FBXL13: variants seen among roughly 807,000 people sequenced by gnomAD.
The protein encoded by FBXL13 is F-box and leucine-rich repeat protein 13.
A neutral mutation model predicts 83.6 loss-of-function variants in FBXL13; 67 were observed. That is an observed-to-expected ratio of 0.80 (90% CI 0.66 to 0.98). The LOEUF (loss-of-function observed/expected upper bound fraction) is 0.98, where lower values mean the gene tolerates loss of function less well. Ranked by LOEUF, FBXL13 falls within the 50% of genes least tolerant of loss-of-function variation. FBXL13 has a pLI of 0.00. For missense variants in FBXL13, 822 were observed against 866.5 expected (o/e 0.95, Z 0.64); for synonymous variants, 272 against 299.5 (o/e 0.91, Z 0.95).
chr7:102,905,622 T>C (rs1251984767), intron 11 of FBXL13, among the ~76,000 whole-genome samples: 1 of 152,214 alleles, frequency 6.6e-6, no homozygotes, highest in African/African-American at 2.4e-5. Context: ...ATATTATTAT[T>C]GATAAGTAAG....
rs1812762212 is a variant in FBXL13 at position 102,899,969 on chromosome 7, C to T, written c.1008+13117G>A. Among the ~76,000 whole-genome samples, 3 of 151,920 alleles carry T rather than the reference C, an allele frequency of 2.0e-5. No individual in the cohort carries two copies. In the South Asian group the frequency reaches 6.2e-4, roughly 32 times the overall value. On this transcript the variant is annotated intron_variant, in intron 11 of 19. Coordinates refer to ENST00000313221, the Ensembl canonical transcript of FBXL13. ...GGCTGAGGCAGGAGAATTGCCTGAA[C>T]CCAGGAGGTGGAGGCTGCAGTGAAC...
Position 102,827,795 on chromosome 7 carries a change from C to T in FBXL13, c.1854+5045G>A, listed in dbSNP as rs183085389. On this transcript the variant is annotated intron_variant, in intron 18 of 19. Transcript: ENST00000313221. ...TGCAGTGTTTGGTTTTTTGTCCTTG[C>T]GATAGTTTGCTGAGAACAATGGTTT... Among the ~76,000 whole-genome samples, 971 of 152,078 alleles carry T rather than the reference C, an allele frequency of 6.4e-3. 4 individuals carry two copies. The highest frequency in any genetic ancestry group is 7.8e-3 in the Non-Finnish European group (529 of 67,976).
rs1262220965 is a variant in FBXL13 at position 102,883,877 on chromosome 7, A to G, written c.1108-192T>C. ...TGACTAATGTGGAGGAATCAGAATT[A>G]AATCACGTACTAAGAGTATGGGAAA... On this transcript the variant is annotated intron_variant, in intron 12 of 19. Coordinates refer to ENST00000313221, the Ensembl canonical transcript of FBXL13. Among the ~76,000 whole-genome samples the G allele has an allele frequency of 2.0e-5, 3 of 152,210 alleles. No homozygotes were observed. The South Asian group carries it at 6.2e-4, about 31-fold the overall frequency.
intron 8 of FBXL13, among the ~76,000 whole-genome samples, chr7:102,959,141 C>T (rs1368807345): frequency 6.6e-6 from 1 of 152,014 alleles, no homozygotes; most frequent in Admixed American, 6.6e-5. Context: ...AATTGACAAG[C>T]TATTAAAACC....
chr7:103,073,991 A>G (rs1393036822), intron 1 of FBXL13, among the ~76,000 whole-genome samples: 1 of 152,216 alleles, frequency 6.6e-6, no homozygotes, highest in Non-Finnish European at 1.5e-5. Context: ...AGGTCAACAA[A>G]GGCAAATGTT....
chr7:102,842,597 C>G (rs1004600727), intron 17 of FBXL13, among the ~76,000 whole-genome samples: 16 of 152,214 alleles, frequency 1.1e-4, no homozygotes, highest in Admixed American at 1.3e-4. Context: ...GGAGAATAAT[C>G]CAGTTCTTGC....
rs577378037 is a variant in FBXL13, at chr7:102,948,381, G to C, written c.724+15152C>G. On this transcript the variant is annotated intron_variant, in intron 8 of 19. Coordinates refer to ENST00000313221, the Ensembl canonical transcript of FBXL13. ...GCCAGTAATGAGGATCTACTTGTCT[G>C]AATTCTGTTAAGTCTGTGCCCTCAT... Among the ~76,000 whole-genome samples the C allele has an allele frequency of 2.0e-5, 3 of 152,038 alleles. No homozygotes were observed. In the East Asian group the frequency reaches 5.8e-4, roughly 29 times the overall value.
At chr7:102,921,307 A>G (rs1391053220) in intron 10 of FBXL13, among the ~76,000 whole-genome samples, 1 of 152,258 alleles carries the variant, frequency 6.6e-6, no homozygotes, top group Non-Finnish European at 1.5e-5. Context: ...GCTTGATCAT[A>G]ATAGGCAACT....
intron 19 of FBXL13, chr7:102,814,265 G>T (rs143881439): frequency 1.7e-3 from 262 of 152,208 alleles, no homozygotes; most frequent in African/African-American, 6.0e-3. Flanking sequence ...ACTTCTGTAC[G>T]ATTAGAAATG....
chr7:102,955,937 C>T (rs956812875), intron 8 of FBXL13, among the ~76,000 whole-genome samples: 10 of 152,060 alleles, frequency 6.6e-5, no homozygotes, highest in South Asian at 2.1e-4. Context: ...GATTCACAGC[C>T]GAATTCTACC....
intron 8 of FBXL13, among the ~76,000 whole-genome samples, chr7:102,932,335 C>A (rs1046445339): frequency 6.6e-6 from 1 of 152,102 alleles, no homozygotes; most frequent in Non-Finnish European, 1.5e-5. Flanking sequence ...AAGAATTGTA[C>A]AATAAATATC....
intron 11 of FBXL13, among the ~76,000 whole-genome samples, chr7:102,904,480 AT>A (rs145645321): frequency 0.02 from 2,959 of 150,774 alleles, 127 homozygotes; most frequent in East Asian, 0.16. Context: ...TGTTGGTGTT[AT>A]TTTTTTTCTT....
At chr7:102,933,613 A>AT (rs1005712869) in intron 8 of FBXL13, 5 of 201,686 alleles carry the variant, frequency 2.5e-5, no homozygotes, top group Admixed American at 2.1e-4. Context: ...GGGCACAAAC[A>AT]TTTGGCCTCT....
intron 6 of FBXL13, among the ~76,000 whole-genome samples, chr7:102,983,287 G>A (rs1354735363): frequency 6.6e-6 from 1 of 152,136 alleles, no homozygotes; most frequent in Non-Finnish European, 1.5e-5. Flanking sequence ...ACTTCCACTA[G>A]CAGTAGGATT....
intron 6 of FBXL13, among the ~76,000 whole-genome samples, chr7:103,001,318 G>A (rs1328513245): frequency 6.6e-6 from 1 of 151,928 alleles, no homozygotes; most frequent in Non-Finnish European, 1.5e-5. Flanking sequence ...ATGTGAAATA[G>A]GTTTCTTGTA....
intron 6 of FBXL13, chr7:102,976,268 C>T (rs1368759676): frequency 1.4e-6 from 1 of 695,424 alleles, no homozygotes; most frequent in East Asian, 2.5e-5. Flanking sequence ...ACCAGGGCAA[C>T]CTATTCTGCT....
Position 102,848,400 on chromosome 7 carries a change from C to CA in FBXL13, c.1719+6376dup, listed in dbSNP as rs1316737592. Among the ~76,000 whole-genome samples the CA allele has an allele frequency of 3.0e-5, 3 of 99,290 alleles. 1 individual carries two copies. In the East Asian group the frequency reaches 1.1e-3, roughly 36 times the overall value. The allele number at this position is 99,290 out of a possible 152,430, so 65.1% of individuals were successfully genotyped here. A position where few individuals can be genotyped will look rare whatever the true frequency, so the allele number is the denominator to read the frequency against. On this transcript the variant is annotated intron_variant, in intron 17 of 19. Coordinates refer to ENST00000313221, the Ensembl canonical transcript of FBXL13. Reference sequence around the variant, plus strand: ...TGAAACCCCGTCTCTACTAAAAATACAAAAAATTAGCCGGGCGTAGTGGCG... The same window carrying CA: ...TGAAACCCCGTCTCTACTAAAAATACAAAAAAATTAGCCGGGCGTAGTGGCG...
intron 16 of FBXL13, among the ~76,000 whole-genome samples, chr7:102,859,794 T>C (rs1356591630): frequency 6.6e-6 from 1 of 152,032 alleles, no homozygotes; most frequent in African/African-American, 2.4e-5. Context: ...TGGAGAGAGG[T>C]TTTGCTTTTA....
At chr7:102,991,785 A>G (rs1405705406) in intron 6 of FBXL13, among the ~76,000 whole-genome samples, 7 of 152,208 alleles carry the variant, frequency 4.6e-5, no homozygotes, top group Admixed American at 4.6e-4. Flanking sequence ...AACCATTCCA[A>G]TGGAACATTG....
Sources: allele counts gnomAD v4.1 joint callset (sites outside exome capture counted in the v4.1 genomes callset), GRCh38; gene constraint gnomAD v4.1.1; transcripts MANE v1.5; gene names NCBI Gene and HGNC (gene_info 2026-07-23, HGNC 2026-07-21).